Variants in PROSER2 observed in about 807,000 individuals in gnomAD.
PROSER2 encodes proline and serine-rich protein 2.
Under a neutral mutation model 14.6 loss-of-function variants are expected in PROSER2, and 18 were observed. The ratio of observed to expected loss-of-function variants is 1.23; its 90% CI spans 0.85 to 1.83. The LOEUF (loss-of-function observed/expected upper bound fraction) is 1.83. PROSER2 is among the 40% of genes most tolerant of loss of function. PROSER2 has a pLI of 0.00. For missense variants in PROSER2, 823 were observed against 629.8 expected (o/e 1.31, Z -3.28); for synonymous variants, 367 against 286.4 (o/e 1.28, Z -2.84).
At position 11,856,860 on chromosome 10, in the gene PROSER2, G is replaced by A. The variant is rs1214541659; in HGVS notation, c.138+4645G>A. ...CTGAGGAGTGTGCTAGAAATCTGAT[G>A]TGCTGTTTGCTCTGTGACTTCAGGA... On this transcript the variant is annotated intron_variant, in intron 2 of 3. Coordinates refer to ENST00000277570, the MANE Select transcript of PROSER2 (RefSeq NM_153256.4). The surrounding 1 kb of genome is among the most constrained non-coding windows in gnomAD (Gnocchi z 5.3). Among the ~76,000 whole-genome samples, 1 of 152,210 alleles carries A rather than the reference G, an allele frequency of 6.6e-6. No homozygotes were observed. Among genetic ancestry groups the A allele is most frequent in the Non-Finnish European group, 1.5e-5 (1 of 68,038 alleles).
chr10:11,843,332 C>T (rs900220979), intron 1 of PROSER2, among the ~76,000 whole-genome samples: 1 of 151,216 alleles, frequency 6.6e-6, no homozygotes, highest in Non-Finnish European at 1.5e-5. Context: ...GCAGGCGGAT[C>T]ACCTGAGGTC....
chr10:11,863,698 T>C (rs1246794318), intron 2 of PROSER2, among the ~76,000 whole-genome samples: 1 of 152,222 alleles, frequency 6.6e-6, no homozygotes, highest in Non-Finnish European at 1.5e-5. Flanking sequence ...CTATTTGTTA[T>C]TTACCTCCAC....
chr10:11,832,675 A>T (rs1412692924), intron 1 of PROSER2, among the ~76,000 whole-genome samples: 2 of 152,172 alleles, frequency 1.3e-5, no homozygotes, highest in Non-Finnish European at 2.9e-5. Flanking sequence ...GGATGAGATT[A>T]ATTTCTCCTA....
At chr10:11,861,460 C>T (rs1474892737) in intron 2 of PROSER2, among the ~76,000 whole-genome samples, 1 of 152,096 alleles carries the variant, frequency 6.6e-6, no homozygotes, top group African/African-American at 2.4e-5. Context: ...GGATTGTGTG[C>T]TTAGCAGGTG....
chr10:11,870,066 CG>C lies in PROSER2; in HGVS notation c.971del (p.Gly324AlafsTer29). 7.2e-6 allele frequency: 9 copies of C among 1,253,360 alleles called. No individual in the cohort carries two copies. The highest frequency in any genetic ancestry group is 9.0e-6 in the Non-Finnish European group (9 of 999,234). 77.6% of individuals were successfully genotyped at this position (1,253,360 alleles called of 1,614,324 possible). On this transcript the variant is annotated frameshift_variant, in exon 4 of 4. Coordinates refer to ENST00000277570, the MANE Select transcript of PROSER2 (RefSeq NM_153256.4). LOFTEE classifies it low-confidence loss of function (END_TRUNC). ...PERVARGRGLPGPAESLRAGG... is the reference protein window; with the variant it reads ...PERVARGRGLXGPAESLRAGG... Reference sequence around the variant, plus strand: ...CGGGTGGCGCGTGGCCGGGGCCTGCCGGGCCCCGCTGAGAGTCTCCGGGCAG... The same window carrying C: ...CGGGTGGCGCGTGGCCGGGGCCTGCCGGCCCCGCTGAGAGTCTCCGGGCAG...
At chr10:11,859,338 G>C (rs1834190232) in intron 2 of PROSER2, among the ~76,000 whole-genome samples, 2 of 151,714 alleles carry the variant, frequency 1.3e-5, no homozygotes, top group Admixed American at 1.3e-4. Context: ...TGAGGTGGGG[G>C]AATTGCATGA....
At chr10:11,832,431 T>C (rs1833700810) in intron 1 of PROSER2, among the ~76,000 whole-genome samples, 1 of 152,220 alleles carries the variant, frequency 6.6e-6, no homozygotes, top group Non-Finnish European at 1.5e-5. Context: ...TGGAGGCCCA[T>C]TTTTAAGATT....
rs1178077048 is a variant in PROSER2, at chr10:11,869,836, G to A, written c.738G>A (p.Ala246=). 6 of 1,578,562 alleles carry A rather than the reference G, an allele frequency of 3.8e-6. No individual in the cohort carries two copies. The highest frequency in any genetic ancestry group is 2.7e-5 in the African/African-American group (2 of 73,958). ...CTGGCCCGGGGCCCAGCCACCCGGC[G>A]CAGCCCAAGGCACCCCGCTTCCCCA... ...GDPGPGPSHP[A]QPKAPRFPSN... Residue 246 remains alanine (A), a synonymous_variant, in exon 4 of 4, where the codon GCG becomes GCA. Coordinates refer to ENST00000277570, the MANE Select transcript of PROSER2 (RefSeq NM_153256.4). The surrounding 1 kb of genome is among the most constrained non-coding windows in gnomAD (Gnocchi z 4.4).
At chr10:11,841,932 A>C (rs76962954) in intron 1 of PROSER2, among the ~76,000 whole-genome samples, 8,933 of 152,226 alleles carry the variant, frequency 0.059, 891 homozygotes, top group African/African-American at 0.2. Flanking sequence ...AGGCTTGATA[A>C]ATCAGTTGCC....
chr10:11,829,968 G>A (rs573842169), intron 1 of PROSER2, among the ~76,000 whole-genome samples: 5 of 149,970 alleles, frequency 3.3e-5, no homozygotes, highest in African/African-American at 7.3e-5. Context: ...CTCAGCCTCC[G>A]GAGTATCTGG....
At position 11,869,552 on chromosome 10, in the gene PROSER2, C is replaced by G; in HGVS notation, c.454C>G (p.Pro152Ala). The change falls in exon 4 of 4, where the codon CCC becomes GCC. Residue 152 changes from proline to alanine, a missense_variant. Physicochemically the swap from Pro to Ala is conservative, Grantham distance 27. Coordinates refer to ENST00000277570, the MANE Select transcript of PROSER2 (RefSeq NM_153256.4). The surrounding 1 kb of genome is among the most constrained non-coding windows in gnomAD (Gnocchi z 4.4). Reference protein sequence around the residue: ...QDAETPPPPDPPAPETLLAPP... With the variant: ...QDAETPPPPDAPAPETLLAPP... ...TGCTGAGACTCCTCCACCTCCAGAC[C>G]CCCCGGCTCCCGAGACCCTTCTTGC... 1.2e-6 allele frequency: 2 copies of G among 1,613,374 alleles called. No individual in the cohort carries two copies. The highest frequency in any genetic ancestry group is 8.5e-7 in the Non-Finnish European group (1 of 1,179,418).
intron 2 of PROSER2, among the ~76,000 whole-genome samples, chr10:11,860,442 C>T (rs12243684): frequency 0.081 from 12,274 of 151,808 alleles, 537 homozygotes; most frequent in Middle Eastern, 0.13. Flanking sequence ...TGGTGAAACC[C>T]CCGTCTCTGC....
chr10:11,833,004 G>A (rs960112467), intron 1 of PROSER2, among the ~76,000 whole-genome samples: 7 of 151,892 alleles, frequency 4.6e-5, no homozygotes, highest in African/African-American at 1.2e-4. Context: ...CACCATGCCC[G>A]GCTAATTTTT....
chr10:11,861,085 G>A (rs145781901), intron 2 of PROSER2, among the ~76,000 whole-genome samples: 315 of 152,308 alleles, frequency 2.1e-3, no homozygotes, highest in African/African-American at 6.8e-3. Context: ...CAGCCTGGGC[G>A]ACAGAGCAAG....
At position 11,866,731 on chromosome 10, in the gene PROSER2, A is replaced by G. The variant is rs1834355789; in HGVS notation, c.339A>G (p.Pro113=). 1 of 1,613,612 alleles carries G rather than the reference A, an allele frequency of 6.2e-7. No individual in the cohort carries two copies. The highest frequency in any genetic ancestry group is 1.1e-5 in the South Asian group (1 of 91,076). ...AAGATGTCATCGACTTAGTGCAGCC[A>G]GCACCTGGCGCCGGGGAAGCCGAGG... is the stretch of plus-strand genomic sequence containing the variant. ...EPEDVIDLVQ[P]APGAGEAEGL... The change falls in exon 3 of 4, where the codon CCA becomes CCG. Residue 113 remains proline (P), a synonymous_variant. Transcript: ENST00000277570. The surrounding 1 kb of genome is among the most constrained non-coding windows in gnomAD (Gnocchi z 6.0).
At chr10:11,842,081 G>A (rs1833852634) in intron 1 of PROSER2, among the ~76,000 whole-genome samples, 1 of 152,056 alleles carries the variant, frequency 6.6e-6, no homozygotes, top group Admixed American at 6.5e-5. Flanking sequence ...AATTTGCCGG[G>A]TATGGTGACG....
chr10:11,833,083 A>G (rs1178673776), intron 1 of PROSER2, among the ~76,000 whole-genome samples: 3 of 151,972 alleles, frequency 2.0e-5, no homozygotes, highest in Non-Finnish European at 2.9e-5. Context: ...ACCTCAAGTG[A>G]TCCGCCCACC....
At chr10:11,833,619 A>T (rs1198963172) in intron 1 of PROSER2, among the ~76,000 whole-genome samples, 5 of 152,086 alleles carry the variant, frequency 3.3e-5, no homozygotes, top group African/African-American at 9.7e-5. Context: ...TGAACCCAGG[A>T]GGCAGAGGTT....
rs761838045 is a variant in PROSER2 at position 11,869,590 on chromosome 10, G to T, written c.492G>T (p.Leu164=). 1.9e-6 allele frequency: 3 copies of T among 1,606,898 alleles called. No homozygotes were observed. The highest frequency in any genetic ancestry group is 4.5e-5 in the East Asian group (2 of 44,732). The part of the protein sequence containing the change: ...APETLLAPPP[L]PSTPDPPRRE... Reference sequence around the variant, plus strand: ...AGACCCTTCTTGCGCCACCACCCCTGCCTAGCACCCCCGATCCCCCCAGGA... The same window carrying T: ...AGACCCTTCTTGCGCCACCACCCCTTCCTAGCACCCCCGATCCCCCCAGGA... The change falls in exon 4 of 4, where the codon CTG becomes CTT. Residue 164 remains leucine, a synonymous_variant. Transcript: ENST00000277570. This position sits in a 1 kb window ranked among gnomAD's most constrained non-coding sequence, Gnocchi z 4.4.
Sources: allele counts gnomAD v4.1 joint callset (sites outside exome capture counted in the v4.1 genomes callset), GRCh38; gene constraint gnomAD v4.1.1; non-coding constraint Gnocchi (gnomAD v3.1); transcripts MANE v1.5; gene names NCBI Gene and HGNC (gene_info 2026-07-23, HGNC 2026-07-21).